Variants in ZNF385D observed in about 807,000 individuals in gnomAD.
ZNF385D encodes the protein zinc finger protein 659.
Under a neutral mutation model 35.8 loss-of-function variants are expected in ZNF385D, and 15 were observed. The observed-to-expected ratio is 0.42, with a 90% CI of 0.28 to 0.64. ZNF385D has a LOEUF of 0.64. ZNF385D is among the 30% of genes least tolerant of loss of function. The pLI, the probability that ZNF385D is intolerant of heterozygous loss-of-function variation, is 0.23. For missense variants in ZNF385D, 474 were observed against 494.6 expected, an observed-to-expected ratio of 0.96 and a Z score of 0.39; for synonymous variants, 212 against 186.8, an observed-to-expected ratio of 1.13 and a Z score of -1.10.
intron 3 of ZNF385D, among the ~76,000 whole-genome samples, chr3:21,968,853 G>C (rs1441027794): frequency 6.6e-6 from 1 of 152,166 alleles, no homozygotes; most frequent in African/African-American, 2.4e-5. Flanking sequence ...AAAAAGTAAA[G>C]AGGACTTTGC....
chr3:22,204,979 CAAAA>C (rs761954306), intron 2 of ZNF385D, among the ~76,000 whole-genome samples: 1 of 92,982 alleles, frequency 1.1e-5, no homozygotes, highest in Non-Finnish European at 2.1e-5. Context: ...TGACCAAATC[CAAAA>C]AAAAAAAAAA....
chr3:22,031,690 T>C (rs995508494), intron 3 of ZNF385D, among the ~76,000 whole-genome samples: 2 of 152,100 alleles, frequency 1.3e-5, no homozygotes, highest in African/African-American at 2.4e-5. Flanking sequence ...ATTTTCCCCA[T>C]TGTGCTGGTT....
At chr3:22,329,377 C>T (rs951934094) in intron 2 of ZNF385D, among the ~76,000 whole-genome samples, 3 of 152,208 alleles carry the variant, frequency 2.0e-5, no homozygotes, top group Admixed American at 6.5e-5. Flanking sequence ...GAGGAATCTA[C>T]ATCAGTTCAA....
At chr3:22,352,018 A>T (rs1006724143) in intron 2 of ZNF385D, among the ~76,000 whole-genome samples, 1 of 152,202 alleles carries the variant, frequency 6.6e-6, no homozygotes, top group African/African-American at 2.4e-5. Flanking sequence ...TAAAAGGGAT[A>T]TGTTAATGTT....
At position 21,683,720 on chromosome 3, in the gene ZNF385D, T is replaced by C. The variant is rs2066991110; in HGVS notation, c.23-18692A>G. Among the ~76,000 whole-genome samples, 2 of 150,102 alleles carry C rather than the reference T, an allele frequency of 1.3e-5. 1 individual carries two copies. The highest frequency in any genetic ancestry group is 4.3e-4 in the South Asian group (2 of 4,680). On this transcript the variant is annotated intron_variant, in intron 1 of 7. Coordinates refer to ENST00000281523, the MANE Select transcript of ZNF385D (RefSeq NM_024697.3). The stretch of plus-strand genomic sequence containing the variant: ...TTGCAGAAGCAACAGAAGGATTCAA[T>C]GTGCCCTTACTGGCCTGAAGATCGA...
chr3:21,755,998 T>C (rs2070322613), upstream of ZNF385D, among the ~76,000 whole-genome samples: 1 of 152,234 alleles, frequency 6.6e-6, no homozygotes, highest in South Asian at 2.1e-4. Flanking sequence ...CCAAATTCAG[T>C]AGAACTTTTT....
At chr3:21,807,190 T>C (rs2072690641) in intron 3 of ZNF385D, among the ~76,000 whole-genome samples, 1 of 152,246 alleles carries the variant, frequency 6.6e-6, no homozygotes, top group African/African-American at 2.4e-5. Flanking sequence ...GTATACTTTA[T>C]ATAAACTAAA....
intron 3 of ZNF385D, among the ~76,000 whole-genome samples, chr3:21,974,774 T>C (rs1703486710): frequency 6.6e-6 from 1 of 152,134 alleles, no homozygotes; most frequent in African/African-American, 2.4e-5. Flanking sequence ...AGTAGACGTT[T>C]CTCAAAAGAA....
chr3:22,073,721 C>G lies in ZNF385D; in HGVS notation c.325+95096G>C, dbSNP rs565706809. Reference sequence around the variant, plus strand: ...GGAATTAAAGAAATGGGGGGTTGGACAGTTTGTATTAAGAACTGTTTGCTG... The same window carrying G: ...GGAATTAAAGAAATGGGGGGTTGGAGAGTTTGTATTAAGAACTGTTTGCTG... On this transcript the variant is annotated intron_variant, in intron 3 of 5. Transcript: ENST00000494108. 2.8e-4 allele frequency among the ~76,000 whole-genome samples: 42 copies of G among 151,972 alleles called. No homozygotes were observed. In the South Asian group the frequency reaches 8.1e-3, roughly 29 times the overall value.
chr3:21,951,372 C>A (rs1478626318), intron 3 of ZNF385D, among the ~76,000 whole-genome samples: 4 of 151,576 alleles, frequency 2.6e-5, no homozygotes, highest in Non-Finnish European at 4.4e-5. Context: ...TATAGGAATG[C>A]CTGTGATTTT....
chr3:22,335,533 C>T (rs915321013), intron 2 of ZNF385D, among the ~76,000 whole-genome samples: 3 of 152,100 alleles, frequency 2.0e-5, no homozygotes, highest in Non-Finnish European at 4.4e-5. Context: ...AGCCTAAATC[C>T]TATAATCAAT....
At chr3:21,480,289 T>G (rs549662718) in intron 4 of ZNF385D, among the ~76,000 whole-genome samples, 176 of 151,942 alleles carry the variant, frequency 1.2e-3, no homozygotes, top group Non-Finnish European at 2.3e-3. Context: ...TTTTAGTAGA[T>G]ACAGGGTTTC....
At chr3:21,843,068 A>G (rs1296315110) in intron 3 of ZNF385D, among the ~76,000 whole-genome samples, 1 of 152,046 alleles carries the variant, frequency 6.6e-6, no homozygotes, top group African/African-American at 2.4e-5. Context: ...TAGAAGCTAG[A>G]GTTGGCTTTT....
At chr3:21,438,432 A>C (rs1384736500) in intron 4 of ZNF385D, among the ~76,000 whole-genome samples, 12 of 152,150 alleles carry the variant, frequency 7.9e-5, no homozygotes, top group Non-Finnish European at 1.5e-5. Flanking sequence ...TTGTCTGCAT[A>C]AATGCTTACT....
At chr3:22,126,939 C>G (rs192481806) in intron 3 of ZNF385D, among the ~76,000 whole-genome samples, 2 of 151,966 alleles carry the variant, frequency 1.3e-5, no homozygotes, top group Admixed American at 1.3e-4. Flanking sequence ...TTCTTTGTCC[C>G]TTTTTTGTGA....
rs543138588 is a variant in ZNF385D at position 21,932,166 on chromosome 3, C to CAAAAAAAAAAAAAAAAAAAAAA, written c.325+236629_325+236650dup. ...TGGGCGAAAGAGCAAGACTCATTCT[C>CAAAAAAAAAAAAAAAAAAAAAA]AAAAAAAAAAAAAAAAAAAAAAAAA... On this transcript the variant is annotated intron_variant, in intron 3 of 5. Transcript: ENST00000494108. Among the ~76,000 whole-genome samples the CAAAAAAAAAAAAAAAAAAAAAA allele has an allele frequency of 2.0e-4, 11 of 55,314 alleles. 2 individuals carry two copies. The highest frequency in any genetic ancestry group is 3.2e-4 in the African/African-American group (4 of 12,604). The allele number at this position is 55,314 out of a possible 152,430, so 36.3% of individuals were successfully genotyped here.
At chr3:21,751,325 G>C, upstream of ZNF385D, 1 of 1,060,926 alleles carries the variant, frequency 9.4e-7, no homozygotes, top group Non-Finnish European at 1.1e-6. Flanking sequence ...GGGAAGCTTT[G>C]ACGAGCCCAG....
chr3:21,919,346 A>G (rs1210187188), intron 3 of ZNF385D, among the ~76,000 whole-genome samples: 2 of 152,194 alleles, frequency 1.3e-5, no homozygotes, highest in South Asian at 2.1e-4. Flanking sequence ...ATTATAATGC[A>G]CTTTGAAAGC....
At chr3:21,948,268 C>A (rs778367580) in intron 3 of ZNF385D, among the ~76,000 whole-genome samples, 1 of 151,940 alleles carries the variant, frequency 6.6e-6, no homozygotes, top group Non-Finnish European at 1.5e-5. Context: ...AGAAACAAAG[C>A]ATTCCAATAT....
Sources: gnomAD v4.1 joint callset for allele counts (sites outside exome capture counted in the v4.1 genomes callset) on GRCh38, gnomAD v4.1.1 for gene constraint, MANE v1.5 for transcripts, NCBI Gene and HGNC (gene_info 2026-07-23, HGNC 2026-07-21) for gene names.